BACH1: variants seen among roughly 807,000 people sequenced by gnomAD.
The protein encoded by BACH1 is BTB domain and CNC homolog 1, also known as transcription regulator protein BACH1.
BACH1 carries 35 observed loss-of-function variants against 52.9 expected under a neutral mutation model. The ratio of observed to expected loss-of-function variants is 0.66; its 90% CI spans 0.51 to 0.88. The LOEUF is 0.88. Among genes scored for constraint, BACH1 ranks in the 40% least tolerant of loss-of-function variants. BACH1 has a pLI of 0.00. For missense variants in BACH1, 808 were observed against 872.6 expected (o/e 0.93, Z 0.93); for synonymous variants, 321 against 319.6 (o/e 1.00, Z -0.05).
At chr21:29,301,154 T>C (rs2088598867) in intron 1 of BACH1, among the ~76,000 whole-genome samples, 1 of 152,212 alleles carries the variant, frequency 6.6e-6, no homozygotes, top group African/African-American at 2.4e-5. Flanking sequence ...TTTTGTTCCT[T>C]TAAGTCTGGG....
intron 3 of BACH1, among the ~76,000 whole-genome samples, chr21:29,328,679 C>T (rs1764214014): frequency 6.6e-6 from 1 of 152,168 alleles, no homozygotes; most frequent in Non-Finnish European, 1.5e-5. Context: ...TGAAACTTAA[C>T]CCATCCAATT....
At chr21:29,303,235 G>T (rs930185352) in intron 1 of BACH1, among the ~76,000 whole-genome samples, 2 of 152,230 alleles carry the variant, frequency 1.3e-5, no homozygotes, top group African/African-American at 4.8e-5. Context: ...AAATGGATAT[G>T]AATACAATGG....
chr21:29,334,784 C>A (rs774210007), intron 4 of BACH1, among the ~76,000 whole-genome samples: 1 of 152,164 alleles, frequency 6.6e-6, no homozygotes, highest in Non-Finnish European at 1.5e-5. Flanking sequence ...AGTAAAACGA[C>A]CTCATCCGTC....
intron 4 of BACH1, among the ~76,000 whole-genome samples, chr21:29,334,967 G>A (rs1265835131): frequency 1.3e-5 from 2 of 152,206 alleles, no homozygotes; most frequent in African/African-American, 4.8e-5. Flanking sequence ...TTGAAATGTG[G>A]TGTGTGTCCC....
At position 29,332,299 on chromosome 21, in the gene BACH1, T is replaced by A. The variant is rs182315448; in HGVS notation, c.1776+2606T>A. On this transcript the variant is annotated intron_variant, in intron 4 of 4. Transcript: ENST00000286800. ...CTGCCTAAACTGTAAACTCTGTGTT[T>A]GGTATATTGCTTCTGTCATCATAGT... 2.1e-3 allele frequency among the ~76,000 whole-genome samples: 318 copies of A among 152,360 alleles called. 1 individual carries two copies. Among genetic ancestry groups the A allele is most frequent in the African/African-American group, 7.3e-3 (304 of 41,578 alleles).
downstream of BACH1, among the ~76,000 whole-genome samples, chr21:29,349,505 G>A (rs987780720): frequency 2.6e-5 from 4 of 152,102 alleles, no homozygotes; most frequent in South Asian, 2.1e-4. Flanking sequence ...GCCCACCGGC[G>A]GCTGCTGCCC....
intron 1 of BACH1, among the ~76,000 whole-genome samples, chr21:29,313,196 G>GA (rs964093436): frequency 5.4e-5 from 8 of 147,698 alleles, no homozygotes; most frequent in Non-Finnish European, 7.5e-5. Flanking sequence ...GACAAGCTAG[G>GA]AAAAAAAAAA....
Position 29,342,871 on chromosome 21 carries a change from C to T in BACH1, c.*38C>T, listed in dbSNP as rs1160924503. 6.5e-7 allele frequency: 1 copy of T among 1,531,582 alleles called. No individual in the cohort carries two copies. The highest frequency in any genetic ancestry group is 1.4e-5 in the African/African-American group (1 of 72,362). 94.9% of individuals were successfully genotyped at this position (1,531,582 alleles called of 1,614,324 possible). ...TTCCTTCAAACCATCTAATTTTCTC[C>T]TGAAGTTTTGGCAGCGTCTTGAAAG... On this transcript the variant is annotated 3_prime_UTR_variant, in exon 5 of 5. Coordinates refer to ENST00000286800, the MANE Select transcript of BACH1 (RefSeq NM_001186.4).
intron 2 of BACH1, among the ~76,000 whole-genome samples, chr21:29,356,741 T>C (rs2089236958): frequency 6.6e-6 from 1 of 152,282 alleles, no homozygotes; most frequent in Non-Finnish European, 1.5e-5. Context: ...CAAGGTGATA[T>C]TGGAGTGTTA....
rs2088919854 is a variant in BACH1, at chr21:29,326,930, T to G, written c.1106T>G (p.Leu369Trp). The change falls in exon 3 of 5, where the codon TTG (leucine) becomes TGG (tryptophan). Residue 369 changes from leucine (L) to tryptophan (W), a missense_variant. Transcript: ENST00000286800. ...TTTGGTGAAAGTCAGGATTTACCTTTGAAATCCGACTTGGGCACCAGGGAA... is the reference window on the plus strand; with the variant it reads ...TTTGGTGAAAGTCAGGATTTACCTTGGAAATCCGACTTGGGCACCAGGGAA... ...KTFGESQDLP[L>W]KSDLGTREDS... The G allele has an allele frequency of 6.2e-7, 1 of 1,614,222 alleles. No individual in the cohort carries two copies. The highest frequency in any genetic ancestry group is 1.3e-5 in the African/African-American group (1 of 75,064).
rs186870916 is a variant in BACH1, at chr21:29,328,438, C to T, written c.1569+1045C>T. 2.0e-3 allele frequency among the ~76,000 whole-genome samples: 295 copies of T among 150,596 alleles called. 4 individuals are homozygous for T. The highest frequency in any genetic ancestry group is 7.0e-3 in the African/African-American group (287 of 41,112). On this transcript the variant is annotated intron_variant, in intron 3 of 4. Coordinates refer to ENST00000286800, the MANE Select transcript of BACH1 (RefSeq NM_001186.4). ...TTTTATATTTTATGATTTTTTTTGC[C>T]TTTCAATAGTTGGCTTTTCTCTTTA...
At position 29,344,574 on chromosome 21, in the gene BACH1, A is replaced by T. The variant is rs888365516; in HGVS notation, c.*1741A>T. On this transcript the variant is annotated 3_prime_UTR_variant, in exon 5 of 5. Coordinates refer to ENST00000286800, the MANE Select transcript of BACH1 (RefSeq NM_001186.4). ...TTATTTTCTAGTAGCTTTTATAAGTACACTCAAGAATTTGTCAGGGAGAAT... is the reference window on the plus strand; with the variant it reads ...TTATTTTCTAGTAGCTTTTATAAGTTCACTCAAGAATTTGTCAGGGAGAAT... The T allele has an allele frequency of 1.3e-5, 2 of 152,504 alleles. No homozygotes were observed. Among genetic ancestry groups the T allele is most frequent in the Non-Finnish European group, 2.9e-5 (2 of 68,038 alleles). The allele number at this position is 152,504 out of a possible 1,614,324, so 9.4% of individuals were successfully genotyped here. A position where few individuals can be genotyped will look rare whatever the true frequency, so the allele number is the denominator to read the frequency against.
intron 1 of BACH1, among the ~76,000 whole-genome samples, chr21:29,311,190 A>G (rs2088717083): frequency 6.6e-6 from 1 of 152,084 alleles, no homozygotes; most frequent in Non-Finnish European, 1.5e-5. Context: ...CCCAAACAAG[A>G]TGTCTTTCTG....
At chr21:29,310,927 G>C (rs1363250993) in intron 1 of BACH1, among the ~76,000 whole-genome samples, 1 of 152,160 alleles carries the variant, frequency 6.6e-6, no homozygotes, top group Non-Finnish European at 1.5e-5. Flanking sequence ...AGATCGAGGG[G>C]TATAAGGAGG....
intron 1 of BACH1, among the ~76,000 whole-genome samples, chr21:29,317,600 A>G (rs1196572604): frequency 6.6e-6 from 1 of 152,052 alleles, no homozygotes; most frequent in Admixed American, 6.6e-5. Flanking sequence ...TGGATGGAAA[A>G]CCCAACTACA....
intron 4 of BACH1, among the ~76,000 whole-genome samples, chr21:29,330,969 A>G (rs1160819092): frequency 2.6e-5 from 4 of 151,918 alleles, no homozygotes; most frequent in East Asian, 1.9e-4. Context: ...AAAAAAAACA[A>G]AAAACCCAAA....
chr21:29,328,609 T>C (rs2088943613), intron 3 of BACH1, among the ~76,000 whole-genome samples: 1 of 152,216 alleles, frequency 6.6e-6, no homozygotes, highest in Non-Finnish European at 1.5e-5. Flanking sequence ...TACGATACAG[T>C]ATTGTTAAGT....
intron 1 of BACH1, among the ~76,000 whole-genome samples, chr21:29,312,342 T>G (rs1481888734): frequency 6.6e-6 from 1 of 152,202 alleles, no homozygotes; most frequent in East Asian, 1.9e-4. Flanking sequence ...AGTTAACATA[T>G]TTAGTGGCGA....
intron 2 of BACH1, among the ~76,000 whole-genome samples, chr21:29,358,126 T>C (rs2089246155): frequency 1.3e-5 from 2 of 152,214 alleles, no homozygotes; most frequent in African/African-American, 4.8e-5. Context: ...GGTTGTCACT[T>C]CCTCTGCCCT....
Sources: gnomAD v4.1 joint callset for allele counts (sites outside exome capture counted in the v4.1 genomes callset) on GRCh38, gnomAD v4.1.1 for gene constraint, MANE v1.5 for transcripts, NCBI Gene and HGNC (gene_info 2026-07-23, HGNC 2026-07-21) for gene names.